The following TPTE2 variants were observed in gnomAD, a reference collection of about 807,000 sequenced individuals.
TPTE2 encodes transmembrane phosphoinositide 3-phosphatase and tensin homolog 2, also known as phosphatidylinositol 3,4,5-trisphosphate 3-phosphatase TPTE2.
A neutral mutation model predicts 78.6 loss-of-function variants in TPTE2; 53 were observed. The ratio of observed to expected loss-of-function variants is 0.67; its 90% confidence interval spans 0.54 to 0.85. The LOEUF is 0.85. TPTE2 is among the 40% of genes least tolerant of loss of function. The pLI is 0.00. For missense variants in TPTE2, 461 were observed against 623.0 expected (o/e 0.74, Z 2.77); for synonymous variants, 175 against 206.2 (o/e 0.85, Z 1.30).
chr13:19,479,960 CAAA>C lies in TPTE2; in HGVS notation c.179+2525_179+2527del, dbSNP rs751162446. The stretch of plus-strand genomic sequence containing the variant: ...CTGGTGACAGAGCGAGACTCCGGCT[CAAA>C]AAAAAAAAAAAGAGATAGAAAAAGA... On this transcript the variant is annotated intron_variant, in intron 4 of 19. Transcript: ENST00000400230. Among the ~76,000 whole-genome samples the C allele has an allele frequency of 9.2e-3, 613 of 66,844 alleles. 3 individuals carry two copies. The highest frequency in any genetic ancestry group is 0.031 in the African/African-American group (583 of 18,742). The allele number at this position is 66,844 out of a possible 152,430, so 43.9% of individuals were successfully genotyped here. A position where few individuals can be genotyped will look rare whatever the true frequency, so the allele number is the denominator to read the frequency against.
intron 5 of TPTE2, among the ~76,000 whole-genome samples, 198 bp downstream of exon 8, chr13:19,475,375 G>A (rs1465041395): frequency 6.6e-6 from 1 of 152,034 alleles, no homozygotes; most frequent in East Asian, 1.9e-4. Flanking sequence ...ACAGGCACCT[G>A]CCATTATGCT....
chr13:19,449,972 A>G (rs1878070357), intron 13 of TPTE2, 104 bp downstream of exon 16: 2 of 1,194,244 alleles, frequency 1.7e-6, no homozygotes. Context: ...AAAAATGCTA[A>G]CAATTATTAA....
At chr13:19,469,616 G>C (rs555064710) in intron 6 of TPTE2, among the ~76,000 whole-genome samples, 1 of 152,184 alleles carries the variant, frequency 6.6e-6, no homozygotes, top group East Asian at 1.9e-4. Context: ...GCTTTGGATA[G>C]TATGGACATT....
At chr13:19,425,987 A>G (rs1876032460) in intron 18 of TPTE2, among the ~76,000 whole-genome samples, 1 of 151,834 alleles carries the variant, frequency 6.6e-6, no homozygotes. Context: ...TGAGCCCAGG[A>G]GGGTGAAGCT....
At chr13:19,496,444 T>G (rs1218795688) in intron 1 of TPTE2, among the ~76,000 whole-genome samples, 1 of 152,172 alleles carries the variant, frequency 6.6e-6, no homozygotes, top group East Asian at 1.9e-4. Flanking sequence ...TATGGCCCAC[T>G]TCCTGGATCT....
chr13:19,485,102 G>T (rs1465951119), intron 3 of TPTE2, among the ~76,000 whole-genome samples: 2 of 152,008 alleles, frequency 1.3e-5, no homozygotes, highest in African/African-American at 2.4e-5. Context: ...TAGTGATAAG[G>T]CTTCATTCCT....
chr13:19,534,376 C>T (rs970542298), intron 1 of TPTE2, among the ~76,000 whole-genome samples: 1 of 152,152 alleles, frequency 6.6e-6, no homozygotes, highest in African/African-American at 2.4e-5. Context: ...GTATATGAAA[C>T]GCTCCCTTGG....
chr13:19,556,538 C>CA, the TPTE2 span, among the ~76,000 whole-genome samples: 1 of 152,088 alleles, frequency 6.6e-6, no homozygotes, highest in Non-Finnish European at 1.5e-5. Flanking sequence ...TTCTCCCCCC[C>CA]ACCTTTGAGT....
chr13:19,503,170 C>T, intron 1 of TPTE2, 54 bp downstream of exon 4: 3 of 1,611,448 alleles, frequency 1.9e-6, no homozygotes, highest in Admixed American at 3.3e-5. Context: ...TGTGTGAATA[C>T]TTCTATGCTC....
the TPTE2 span, among the ~76,000 whole-genome samples, chr13:19,542,933 G>A: frequency 6.6e-6 from 1 of 151,722 alleles, no homozygotes; most frequent in Non-Finnish European, 1.5e-5. Flanking sequence ...CAAGGCAGCA[G>A]TGAGCTATGT....
intron 13 of TPTE2, among the ~76,000 whole-genome samples, chr13:19,445,819 T>C (rs887514582): frequency 3.9e-5 from 6 of 152,194 alleles, no homozygotes; most frequent in African/African-American, 1.2e-4. Context: ...CGGACGCCTG[T>C]AATCCCAGTT....
intron 4 of TPTE2, among the ~76,000 whole-genome samples, chr13:19,476,296 A>C (rs1287554770): frequency 6.6e-6 from 1 of 151,808 alleles, no homozygotes; most frequent in African/African-American, 2.4e-5. Flanking sequence ...GAGACAAAGT[A>C]GCTGATGAGG....
chr13:19,499,794 A>G (rs1275141104), intron 1 of TPTE2, among the ~76,000 whole-genome samples: 1 of 150,074 alleles, frequency 6.7e-6, no homozygotes, highest in African/African-American at 2.5e-5. Flanking sequence ...AGAAATAACT[A>G]AAATCAGAGC....
intron 10 of TPTE2, among the ~76,000 whole-genome samples, chr13:19,464,061 G>A (rs569805328): frequency 6.6e-5 from 10 of 152,256 alleles, no homozygotes; most frequent in East Asian, 5.8e-4. Flanking sequence ...GGGGGTGCAC[G>A]TAGCATGCAG....
the TPTE2 span, chr13:19,561,187 C>T: frequency 1.3e-6 from 2 of 1,548,782 alleles, no homozygotes; most frequent in African/African-American, 1.4e-5. Context: ...TCCGAGGAGC[C>T]CTTTGGACTG....
At chr13:19,534,921 T>C (rs1415962815) in intron 1 of TPTE2, among the ~76,000 whole-genome samples, 1 of 152,094 alleles carries the variant, frequency 6.6e-6, no homozygotes, top group Non-Finnish European at 1.5e-5. Context: ...AATATACTCT[T>C]GCTGGGCACG....
chr13:19,468,742 T>TGA, intron 6 of TPTE2, among the ~76,000 whole-genome samples: 1 of 152,206 alleles, frequency 6.6e-6, no homozygotes, highest in Non-Finnish European at 1.5e-5. Context: ...ATGGTAGTTT[T>TGA]CTACACTGCG....
exon 17 of TPTE2, chr13:19,430,500 C>T: frequency 6.2e-7 from 1 of 1,610,728 alleles, no homozygotes. Flanking sequence ...CTGGAAAAGA[C>T]AACCTTTTTC....
chr13:19,502,676 A>T (rs1868689933), intron 1 of TPTE2, among the ~76,000 whole-genome samples: 1 of 151,650 alleles, frequency 6.6e-6, no homozygotes, highest in Admixed American at 6.6e-5. Context: ...GAGGGATAGC[A>T]CTGGGAGATA....
Sources: allele counts gnomAD v4.1 joint callset (sites outside exome capture counted in the v4.1 genomes callset), GRCh38; gene constraint gnomAD v4.1.1; transcripts MANE v1.5; gene names NCBI Gene and HGNC (gene_info 2026-07-23, HGNC 2026-07-21).